Variants in LRP1 observed in about 807,000 individuals in gnomAD.
LRP1 encodes LDL receptor related protein 1.
LRP1 carries 51 observed loss-of-function variants against 541.5 expected under a neutral mutation model. The observed-to-expected ratio is 0.09, with a 90% CI of 0.08 to 0.12. The LOEUF (loss-of-function observed/expected upper bound fraction) is 0.12. Ranked by LOEUF, LRP1 falls within the 10% of genes least tolerant of loss-of-function variation. The pLI is 1.00. For synonymous variants in LRP1, 2,219 were observed against 2,470.8 expected (o/e 0.90, Z 3.02); for missense variants, 3,878 against 6,376.2 (o/e 0.61, Z 13.34).
chr12:57,154,726 TTG>T lies in LRP1; in HGVS notation c.1227+28_1227+29del. 1 of 1,547,644 alleles carries T rather than the reference TTG, an allele frequency of 6.5e-7. No individual in the cohort carries two copies. Among genetic ancestry groups the T allele is most frequent in the Non-Finnish European group, 8.7e-7 (1 of 1,143,252 alleles). The stretch of plus-strand genomic sequence containing the variant: ...GGTGAGGGAGCTACTGTCTGAGGTT[TTG>T]TGGGGGAACCATGATCCAGGGCCTT... On this transcript the variant is annotated intron_variant, in intron 8 of 88. Transcript: ENST00000243077. This position sits in a 1 kb window ranked among gnomAD's most constrained non-coding sequence, Gnocchi z 4.6.
At chr12:57,138,432 A>G in intron 1 of LRP1, 27 bp from the exon 2 acceptor site, 1 of 1,611,612 alleles carries the variant, frequency 6.2e-7, no homozygotes, top group Non-Finnish European at 8.5e-7. Context: ...TCCTTCATTT[A>G]TATCCCCTTT....
At chr12:57,148,864 G>C (rs1338419484) in intron 6 of LRP1, 1 of 482,554 alleles carries the variant, frequency 2.1e-6, no homozygotes, top group East Asian at 3.4e-5. Context: ...TGGCTGGGGA[G>C]CTCAGCAAAG....
chr12:57,212,473 G>A lies in LRP1; in HGVS notation c.13553G>A (p.Arg4518His), dbSNP rs751094440. 17 of 1,613,958 alleles carry A rather than the reference G, an allele frequency of 1.1e-5. No homozygotes were observed. The highest frequency in any genetic ancestry group is 3.3e-4 in the Middle Eastern group (2 of 6,084). Residue 4518 changes from arginine to histidine, a missense_variant, in exon 89 of 89, where the codon CGC becomes CAC. Transcript: ENST00000243077. This position sits in a 1 kb window ranked among gnomAD's most constrained non-coding sequence, Gnocchi z 5.0. ...CTCTACATGGGGGGCCATGGCAGTCGCCACTCCCTGGCCAGCACGGACGAG... is the reference window on the plus strand; with the variant it reads ...CTCTACATGGGGGGCCATGGCAGTCACCACTCCCTGGCCAGCACGGACGAG... Reference protein sequence around the residue: ...ATLYMGGHGSRHSLASTDEKR... With the variant: ...ATLYMGGHGSHHSLASTDEKR...
intron 6 of LRP1, among the ~76,000 whole-genome samples, chr12:57,150,887 C>G (rs1335576676): frequency 6.6e-6 from 1 of 151,540 alleles, no homozygotes; most frequent in Admixed American, 6.6e-5. Flanking sequence ...CCAGTTGGAC[C>G]CAGGGCAGAG....
In LRP1 at chr12:57,150,644, G is replaced by C. The variant is rs572976278; in HGVS notation, c.842-3564G>C. 6.6e-5 allele frequency among the ~76,000 whole-genome samples: 10 copies of C among 152,298 alleles called. No homozygotes were observed. The East Asian group carries it at 1.2e-3, about 18-fold the overall frequency. On this transcript the variant is annotated intron_variant, in intron 6 of 88. Transcript: ENST00000243077. ...TGGCTGGAGGCACAGAGGGCGACTT[G>C]GTGGAAAAGGTGGGAAAGGATGGGT...
At position 57,205,566 on chromosome 12, in the gene LRP1, G is replaced by A; in HGVS notation, c.11479G>A (p.Glu3827Lys). 1 of 1,613,926 alleles carries A rather than the reference G, an allele frequency of 6.2e-7. No individual in the cohort carries two copies. Among genetic ancestry groups the A allele is most frequent in the Non-Finnish European group, 8.5e-7 (1 of 1,180,006 alleles). Residue 3827 changes from glutamate (E) to lysine (K), a missense_variant, in exon 75 of 89, where the codon GAG (glutamate) becomes AAG (lysine). Physicochemically the swap from Glu to Lys is moderately conservative, Grantham distance 56. Coordinates refer to ENST00000243077, the MANE Select transcript of LRP1 (RefSeq NM_002332.3). The surrounding 1 kb of genome is among the most constrained non-coding windows in gnomAD (Gnocchi z 4.6). ...CTCCCTGTAACCCTTAGACATCAAC[G>A]AGTGCCTGCGCTTCGGCACCTGCTC... ...PGQPGCQDIN[E>K]CLRFGTCSQL...
chr12:57,198,311 G>T lies in LRP1; in HGVS notation c.9438G>T (p.Glu3146Asp). The T allele has an allele frequency of 6.2e-7, 1 of 1,613,930 alleles. No individual in the cohort carries two copies. The highest frequency in any genetic ancestry group is 1.7e-4 in the Middle Eastern group (1 of 6,046). Reference protein sequence around the residue: ...RTVLVSSGLREPRALVVDVQN... With the variant: ...RTVLVSSGLRDPRALVVDVQN... The stretch of plus-strand genomic sequence containing the variant: ...TGCTGGTCAGCTCTGGCCTCCGTGA[G>T]CCCAGGGCTCTGGTGGTGGATGTGC... Residue 3146 changes from glutamate to aspartate, a missense_variant, in exon 59 of 89, where the codon GAG (glutamate) becomes GAT (aspartate). Around this residue, in one of 13 missense-constraint regions of LRP1, gnomAD observed 1,100 missense variants for 1,827.4 expected, o/e 0.60. Transcript: ENST00000243077.
rs757666405 is a variant in LRP1 at position 57,198,188 on chromosome 12, T to C, written c.9315T>C (p.Asp3105=). The change falls in exon 59 of 89, where the codon GAT becomes GAC. Residue 3105 remains aspartate (D), a synonymous_variant. Coordinates refer to ENST00000243077, the MANE Select transcript of LRP1 (RefSeq NM_002332.3). ...ACCGTACAGGCCTCAGCAACCCCGATGGGCTGGCTGTGGACTGGGTGGGTG... is the reference window on the plus strand; with the variant it reads ...ACCGTACAGGCCTCAGCAACCCCGACGGGCTGGCTGTGGACTGGGTGGGTG... ...VLHRTGLSNP[D]GLAVDWVGGN... The C allele has an allele frequency of 6.2e-7, 1 of 1,613,002 alleles. No individual in the cohort carries two copies. The highest frequency in any genetic ancestry group is 8.5e-7 in the Non-Finnish European group (1 of 1,179,810).
Position 57,179,150 on chromosome 12 carries a change from A to G in LRP1, c.4738+129A>G. 1 of 1,363,348 alleles carries G rather than the reference A, an allele frequency of 7.3e-7. No homozygotes were observed. The highest frequency in any genetic ancestry group is 9.9e-7 in the Non-Finnish European group (1 of 1,006,804). 84.5% of individuals were successfully genotyped at this position (1,363,348 alleles called of 1,614,324 possible). On this transcript the variant is annotated intron_variant, in intron 28 of 88. Coordinates refer to ENST00000243077, the MANE Select transcript of LRP1 (RefSeq NM_002332.3). This position sits in a 1 kb window ranked among gnomAD's most constrained non-coding sequence, Gnocchi z 6.8. ...GGTCCCGATAGGAGAGGCTCCAGAGACAGCCACTGTGAGAAGGGGCTGCAG... is the reference window on the plus strand; with the variant it reads ...GGTCCCGATAGGAGAGGCTCCAGAGGCAGCCACTGTGAGAAGGGGCTGCAG...
rs778563596 is a variant in LRP1 at position 57,141,503 on chromosome 12, A to C, written c.320A>C (p.His107Pro). The change falls in exon 3 of 89, where the codon CAC (histidine) becomes CCC (proline). Residue 107 changes from histidine to proline, a missense_variant. Physicochemically the swap from His to Pro is moderately conservative, Grantham distance 77. Coordinates refer to ENST00000243077, the MANE Select transcript of LRP1 (RefSeq NM_002332.3). ...ATGGACGGCTCAGATGAGGGGCCCC[A>C]CTGCCGAGGTAAGGACTTTTCCACT... ...DCMDGSDEGPHCRELQGNCSR... is the reference protein window; with the variant it reads ...DCMDGSDEGPPCRELQGNCSR... 1.3e-5 allele frequency: 21 copies of C among 1,614,066 alleles called. No homozygotes were observed. The highest frequency in any genetic ancestry group is 1.8e-5 in the Non-Finnish European group (21 of 1,180,044).
Position 57,156,734 on chromosome 12 carries a change from A to G in LRP1, c.1418-43A>G. 6.4e-7 allele frequency: 1 copy of G among 1,559,994 alleles called. No individual in the cohort carries two copies. The highest frequency in any genetic ancestry group is 8.7e-7 in the Non-Finnish European group (1 of 1,144,394). ...AGGAAGCCTTCTCAAGGCCTGGCAC[A>G]GGGGCTCTGAGGGGTCCTAACAGCT... On this transcript the variant is annotated intron_variant, in intron 9 of 88. Coordinates refer to ENST00000243077, the MANE Select transcript of LRP1 (RefSeq NM_002332.3). The surrounding 1 kb of genome is among the most constrained non-coding windows in gnomAD (Gnocchi z 5.2).
At position 57,201,181 on chromosome 12, in the gene LRP1, G is replaced by C. The variant is rs761198305; in HGVS notation, c.10345+28G>C. ...GAGTGTCAGAGGTGGTGGTGGGCCG[G>C]TGGTGGGAGATGACACGGAAGCAGG... On this transcript the variant is annotated intron_variant, in intron 65 of 88. Coordinates refer to ENST00000243077, the MANE Select transcript of LRP1 (RefSeq NM_002332.3). This position sits in a 1 kb window ranked among gnomAD's most constrained non-coding sequence, Gnocchi z 6.4. The C allele has an allele frequency of 2.5e-6, 4 of 1,612,384 alleles. No individual in the cohort carries two copies. In the African/African-American group the frequency reaches 5.3e-5, roughly 22 times the overall value.
At position 57,162,233 on chromosome 12, in the gene LRP1, G is replaced by C; in HGVS notation, c.2203-84G>C. 2.5e-6 allele frequency: 3 copies of C among 1,197,060 alleles called. No homozygotes were observed. Among genetic ancestry groups the C allele is most frequent in the Non-Finnish European group, 3.7e-6 (3 of 806,624 alleles). The allele number at this position is 1,197,060 out of a possible 1,614,324, so 74.2% of individuals were successfully genotyped here. ...AAGCAAAACCCATGCCCAGGACATA[G>C]ACAAATGAATGTACAAAACAGTGAT... On this transcript the variant is annotated intron_variant, in intron 13 of 88. Coordinates refer to ENST00000243077, the MANE Select transcript of LRP1 (RefSeq NM_002332.3). This position sits in a 1 kb window ranked among gnomAD's most constrained non-coding sequence, Gnocchi z 5.2.
chr12:57,204,053 A>C lies in LRP1; in HGVS notation c.10952-357A>C. On this transcript the variant is annotated intron_variant, in intron 70 of 88. Coordinates refer to ENST00000243077, the MANE Select transcript of LRP1 (RefSeq NM_002332.3). This position sits in a 1 kb window ranked among gnomAD's most constrained non-coding sequence, Gnocchi z 5.3. The stretch of plus-strand genomic sequence containing the variant: ...TGGTAGGCCAGGCACAGGGATGGGA[A>C]CCCGGTCTTCCATTCCCAGCCCAGT... 1 of 213,118 alleles carries C rather than the reference A, an allele frequency of 4.7e-6. No homozygotes were observed. Among genetic ancestry groups the C allele is most frequent in the Non-Finnish European group, 9.3e-6 (1 of 107,988 alleles). The allele number at this position is 213,118 out of a possible 1,614,324, so 13.2% of individuals were successfully genotyped here.
chr12:57,149,697 G>A (rs1300642318), intron 6 of LRP1: 3 of 736,376 alleles, frequency 4.1e-6, no homozygotes. Flanking sequence ...CAGGAAGAGA[G>A]CCCAGGAGAA....
In LRP1 at chr12:57,178,799, G is replaced by T; in HGVS notation, c.4607-91G>T. On this transcript the variant is annotated intron_variant, in intron 27 of 88. Transcript: ENST00000243077. The surrounding 1 kb of genome is among the most constrained non-coding windows in gnomAD (Gnocchi z 5.8). ...AGTAGTAGCGGCTGCTGGAACAGGG[G>T]GAGGAGAGTGGGCGAGGAAGGGGTG... 1 of 1,532,288 alleles carries T rather than the reference G, an allele frequency of 6.5e-7. No individual in the cohort carries two copies. Among genetic ancestry groups the T allele is most frequent in the Non-Finnish European group, 8.8e-7 (1 of 1,138,470 alleles). The allele number at this position is 1,532,288 out of a possible 1,614,324, so 94.9% of individuals were successfully genotyped here.
At chr12:57,207,537 A>G (rs1056134742) in intron 76 of LRP1, among the ~76,000 whole-genome samples, 1 of 151,536 alleles carries the variant, frequency 6.6e-6, no homozygotes, top group Non-Finnish European at 1.5e-5. Context: ...TCTCAAAAAA[A>G]AAAAAAAGAA....
At position 57,202,476 on chromosome 12, in the gene LRP1, C is replaced by T. The variant is rs754352470; in HGVS notation, c.10650C>T (p.Pro3550=). The T allele has an allele frequency of 4.2e-5, 67 of 1,613,552 alleles. No homozygotes were observed. Among genetic ancestry groups the T allele is most frequent in the Admixed American group, 2.3e-4 (14 of 60,002 alleles). The change falls in exon 68 of 89, where the codon CCC becomes CCT. Residue 3550 remains proline (P), a synonymous_variant. Coordinates refer to ENST00000243077, the MANE Select transcript of LRP1 (RefSeq NM_002332.3). ...GCTGCAAGAACAACCGCTGCGTGCC[C>T]GGCCGCTGGCAGTGCGACTACGACA... ...QFRCKNNRCV[P]GRWQCDYDND...
intron 17 of LRP1, 53 bp downstream of exon 17, chr12:57,166,262 G>A (rs2035838215): frequency 1.3e-6 from 2 of 1,538,736 alleles, no homozygotes; most frequent in Non-Finnish European, 1.8e-6. Flanking sequence ...AGGAGGCAGG[G>A]GAGACGAGGG....
Sources: allele counts gnomAD v4.1 joint callset (sites outside exome capture counted in the v4.1 genomes callset), GRCh38; gene constraint gnomAD v4.1.1; regional missense constraint gnomAD v4.1.1; non-coding constraint Gnocchi (gnomAD v3.1); transcripts MANE v1.5; gene names NCBI Gene and HGNC (gene_info 2026-07-23, HGNC 2026-07-21).